ACOT9: variants seen among roughly 807,000 people sequenced by gnomAD.
The protein encoded by ACOT9 is acyl-coenzyme A thioesterase 9, mitochondrial.
ACOT9 carries 34 observed loss-of-function variants against 39.7 expected under a neutral mutation model. The observed-to-expected ratio is 0.86, with a 90% CI of 0.65 to 1.14. ACOT9 has a LOEUF of 1.14. Among genes scored for constraint, ACOT9 ranks in the 50% most tolerant of loss-of-function variants. The pLI, the probability that ACOT9 is intolerant of heterozygous loss-of-function variation, is 0.00. For missense variants in ACOT9, 313 were observed against 344.1 expected, an observed-to-expected ratio of 0.91 and a Z score of 0.71; for synonymous variants, 110 against 120.5, an observed-to-expected ratio of 0.91 and a Z score of 0.57.
chrX:23,704,611 A>G (rs1310596719), intron 15 of ACOT9, 83 bp downstream of exon 15: 8 of 1,052,207 alleles, frequency 7.6e-6, no homozygotes, highest in Admixed American at 2.4e-5. Flanking sequence ...ACAGGCATCA[A>G]TACACTTCCT....
chrX:23,717,659 T>C (rs977118296), intron 8 of ACOT9, among the ~76,000 whole-genome samples: 1 of 110,795 alleles, frequency 9.0e-6, no homozygotes, highest in African/African-American at 3.3e-5. Context: ...GTTTGGAACA[T>C]ACTGTTTATT....
In ACOT9 at chrX:23,704,852, A is replaced by C. The variant is rs1190118030; in HGVS notation, c.1108-8T>G. The C allele has an allele frequency of 8.3e-7, 1 of 1,205,370 alleles. No homozygotes were observed. Among genetic ancestry groups the C allele is most frequent in the Admixed American group, 2.2e-5 (1 of 45,532 alleles). ...ATTCTGAGTAAAGCATACCTAACAGATTATAGACACTATAATCAGTCAACT... is the reference window on the plus strand; with the variant it reads ...ATTCTGAGTAAAGCATACCTAACAGCTTATAGACACTATAATCAGTCAACT... On this transcript the variant is annotated splice_region_variant and splice_polypyrimidine_tract_variant and intron_variant, in intron 14 of 15. Transcript: ENST00000379303.
At chrX:23,710,619 C>T (rs780008076) in intron 9 of ACOT9, among the ~76,000 whole-genome samples, 7 of 111,611 alleles carry the variant, frequency 6.3e-5, no homozygotes, top group East Asian at 5.6e-4. Context: ...TTTGGGAGGC[C>T]GAGGTGAGAG....
rs538711744 is a variant in ACOT9, at chrX:23,719,905, C to T, written c.588+1976G>A. Among the ~76,000 whole-genome samples the T allele has an allele frequency of 8.3e-5, 9 of 108,987 alleles. No individual in the cohort carries two copies. In the East Asian group the frequency reaches 1.5e-3, roughly 18 times the overall value. The allele number at this position is 108,987 out of a possible 115,157, so 94.6% of individuals were successfully genotyped here. Reference sequence around the variant, plus strand: ...AGGCTGGAGAGCAGTGGTGTGATCTCGGCTCACTGCAAGCTCCGCCTCCTG... The same window carrying T: ...AGGCTGGAGAGCAGTGGTGTGATCTTGGCTCACTGCAAGCTCCGCCTCCTG... On this transcript the variant is annotated intron_variant, in intron 8 of 15. Transcript: ENST00000379303.
intron 9 of ACOT9, 139 bp from the exon 10 acceptor site, chrX:23,708,083 G>A (rs1481821741): frequency 1.0e-5 from 5 of 482,243 alleles, no homozygotes; most frequent in East Asian, 7.7e-5. Flanking sequence ...ACATGTGAAC[G>A]CTGGAACAAT....
intron 15 of ACOT9, among the ~76,000 whole-genome samples, 184 bp from the exon 16 acceptor site, chrX:23,704,166 G>GT (rs1162671112): frequency 0.39 from 25,595 of 66,282 alleles, 5,496 homozygotes; most frequent in Non-Finnish European, 0.45. Context: ...GGCTGGATCA[G>GT]TTTTTTTTTT....
rs761093396 is a variant in ACOT9, at chrX:23,743,159, G to T, written c.-15C>A. The T allele has an allele frequency of 9.1e-5, 105 of 1,152,769 alleles. No individual in the cohort carries two copies. Among genetic ancestry groups the T allele is most frequent in the Non-Finnish European group, 1.2e-4 (101 of 865,222 alleles). ...GCCCGCCTCATTGCGCTAGGCTGCC[G>T]TGCGCGCGATGGAGAACCGGGCCCC... On this transcript the variant is annotated 5_prime_UTR_variant, in exon 1 of 16. Transcript: ENST00000379303.
chrX:23,717,726 A>G (rs1929133182), intron 8 of ACOT9, among the ~76,000 whole-genome samples: 1 of 111,752 alleles, frequency 8.9e-6, no homozygotes, highest in South Asian at 3.7e-4. Context: ...GCACTCAGGA[A>G]AGTGGGTATG....
chrX:23,743,005 A>C (rs3764883), intron 1 of ACOT9, 120 bp downstream of exon 1: 294,840 of 892,491 alleles, frequency 0.33, 36,916 homozygotes, highest in East Asian at 0.68. Context: ...CCCTTATCAT[A>C]GAGCCCAAAT....
chrX:23,740,373 C>G (rs1344387795), intron 1 of ACOT9, among the ~76,000 whole-genome samples: 4 of 110,775 alleles, frequency 3.6e-5, no homozygotes, highest in African/African-American at 1.3e-4. Flanking sequence ...TCCCAAAGTG[C>G]TGGGATTATA....
intron 1 of ACOT9, among the ~76,000 whole-genome samples, chrX:23,739,082 AC>A (rs1445451843): frequency 9.0e-6 from 1 of 111,006 alleles, no homozygotes; most frequent in East Asian, 2.8e-4. Context: ...ATATGGTGAA[AC>A]CCCGTCTCTA....
Position 23,713,265 on chromosome X carries a change from T to C in ACOT9, c.589-57A>G, listed in dbSNP as rs1029527317. 8 of 987,305 alleles carry C rather than the reference T, an allele frequency of 8.1e-6. No individual in the cohort carries two copies. The African/African-American group carries it at 9.5e-5, about 12-fold the overall frequency. The allele number at this position is 987,305 out of a possible 1,213,427, so 81.4% of individuals were successfully genotyped here. ...GAGAAATGGATTTATCGGGAAGACC[T>C]ACCACGATTCTAACAGACGGTATGT... On this transcript the variant is annotated intron_variant, in intron 8 of 15. Coordinates refer to ENST00000379303, the MANE Select transcript of ACOT9 (RefSeq NM_001037171.2).
intron 8 of ACOT9, among the ~76,000 whole-genome samples, chrX:23,717,073 T>A (rs1176772608): frequency 9.0e-6 from 1 of 111,416 alleles, no homozygotes; most frequent in African/African-American, 3.3e-5. Context: ...GCCAGGCTGG[T>A]CTCAAACTCC....
intron 13 of ACOT9, 21 bp downstream of exon 13, chrX:23,705,488 G>A (rs1928643848): frequency 8.5e-7 from 1 of 1,171,976 alleles, no homozygotes; most frequent in Non-Finnish European, 1.2e-6. Flanking sequence ...AGAAGTTAAG[G>A]CTGCCTTACA....
rs1354714996 is a variant in ACOT9 at position 23,702,052 on chromosome X, G to A, written c.*1842C>T. Among the ~76,000 whole-genome samples the A allele has an allele frequency of 9.3e-6, 1 of 106,954 alleles. No individual in the cohort carries two copies. Among genetic ancestry groups the A allele is most frequent in the Non-Finnish European group, 1.9e-5 (1 of 51,981 alleles). The allele number at this position is 106,954 out of a possible 115,157, so 92.9% of individuals were successfully genotyped here. ...CATGCCACTGCACTCCAGCTGGAGCGACAGAGTGAAACTCTGTCTCACACA... is the reference window on the plus strand; with the variant it reads ...CATGCCACTGCACTCCAGCTGGAGCAACAGAGTGAAACTCTGTCTCACACA... On this transcript the variant is annotated 3_prime_UTR_variant, in exon 16 of 16. Transcript: ENST00000379303.
intron 2 of ACOT9, among the ~76,000 whole-genome samples, chrX:23,735,499 T>G (rs770800923): frequency 9.0e-6 from 1 of 111,616 alleles, no homozygotes; most frequent in Admixed American, 9.7e-5. Context: ...CCTAGTTTAA[T>G]AAAGACAATC....
chrX:23,718,534 G>T (rs1929162235), intron 8 of ACOT9, among the ~76,000 whole-genome samples: 1 of 112,124 alleles, frequency 8.9e-6, no homozygotes, highest in South Asian at 3.7e-4. Context: ...GCCCTAAAAG[G>T]CAGGTCCTGT....
intron 6 of ACOT9, among the ~76,000 whole-genome samples, chrX:23,725,505 T>C (rs1156979127): frequency 2.3e-5 from 2 of 88,119 alleles, no homozygotes; most frequent in African/African-American, 8.7e-5. Context: ...AGATGGTAAA[T>C]TTTATATTTT....
intron 8 of ACOT9, among the ~76,000 whole-genome samples, chrX:23,719,234 C>T (rs1929202549): frequency 8.9e-6 from 1 of 112,049 alleles, no homozygotes; most frequent in African/African-American, 3.2e-5. Context: ...CGCGCCACTA[C>T]ACTCCAGCCT....
Sources: allele counts gnomAD v4.1 joint callset (sites outside exome capture counted in the v4.1 genomes callset), GRCh38; gene constraint gnomAD v4.1.1; transcripts MANE v1.5; gene names NCBI Gene and HGNC (gene_info 2026-07-23, HGNC 2026-07-21).